The following ARFGEF1 variants were observed in gnomAD, a reference collection of about 807,000 sequenced individuals.
ARFGEF1 encodes the protein ARF guanine nucleotide exchange factor 1, also known as brefeldin A-inhibited guanine nucleotide-exchange protein 1.
ARFGEF1 carries 42 observed loss-of-function variants against 231.0 expected under a neutral mutation model. The ratio of observed to expected loss-of-function variants is 0.18; its 90% confidence interval spans 0.14 to 0.24. The LOEUF (loss-of-function observed/expected upper bound fraction) is 0.24, where lower values mean the gene tolerates loss of function less well. Ranked by LOEUF, ARFGEF1 falls within the 10% of genes least tolerant of loss-of-function variation. ARFGEF1 has a pLI of 1.00. For synonymous variants in ARFGEF1, 710 were observed against 732.3 expected (o/e 0.97, Z 0.49); for missense variants, 1,345 against 2,192.0 (o/e 0.61, Z 7.72).
intron 4 of ARFGEF1, among the ~76,000 whole-genome samples, chr8:67,298,811 G>A (rs1806352548): frequency 6.6e-6 from 1 of 152,096 alleles, no homozygotes; most frequent in African/African-American, 2.4e-5. Flanking sequence ...TGTCACCCAG[G>A]CTGGAGCACA....
At chr8:67,236,360 AAAAAAATATATATATATATATATAT>A (rs1431748798) in intron 22 of ARFGEF1, among the ~76,000 whole-genome samples, 30 of 43,276 alleles carry the variant, frequency 6.9e-4, no homozygotes, top group Non-Finnish European at 7.9e-4. Context: ...AAAAAAAAAA[AAAAAAATATATATATATATATATAT>A]ATATATATAT....
At chr8:67,194,026 C>A (rs1360885172), downstream of ARFGEF1, among the ~76,000 whole-genome samples, 1 of 152,052 alleles carries the variant, frequency 6.6e-6, no homozygotes, top group Non-Finnish European at 1.5e-5. Flanking sequence ...TGGCTTTCCA[C>A]ACCATGGACA....
At chr8:67,253,315 A>G (rs933150620) in intron 18 of ARFGEF1, 136 bp downstream of exon 18, 12 of 522,036 alleles carry the variant, frequency 2.3e-5, no homozygotes, top group African/African-American at 2.2e-4. Context: ...GGTTCAAGTG[A>G]TCCTTCTGCT....
chr8:67,271,914 T>C lies in ARFGEF1; in HGVS notation c.1360A>G (p.Ile454Val), dbSNP rs1219961611. The C allele has an allele frequency of 6.2e-7, 1 of 1,610,390 alleles. No individual in the cohort carries two copies. The highest frequency in any genetic ancestry group is 8.5e-7 in the Non-Finnish European group (1 of 1,178,806). ...GATAGAAGTAACTGCAATGAAAGAA[T>C]CTTGGATCGTAGTTCATGAGACCTA... The part of the protein sequence containing the change: ...DPKSHELRSK[I>V]LSLQLLLSIL... Residue 454 changes from isoleucine (I) to valine (V), a missense_variant, in exon 10 of 39, where the codon ATT (isoleucine) becomes GTT (valine). Ile to Val is a conservative substitution (Grantham distance 29). Coordinates refer to ENST00000262215, the MANE Select transcript of ARFGEF1 (RefSeq NM_006421.5).
Position 67,198,292 on chromosome 8 carries a change from A to G in ARFGEF1, c.*642T>C. 1.0e-6 allele frequency: 1 copy of G among 985,296 alleles called. No homozygotes were observed. Among genetic ancestry groups the G allele is most frequent in the Non-Finnish European group, 1.2e-6 (1 of 829,400 alleles). 61.0% of individuals were successfully genotyped at this position (985,296 alleles called of 1,614,324 possible). On this transcript the variant is annotated 3_prime_UTR_variant, in exon 39 of 39. Transcript: ENST00000262215. ...AAAGTTCCACCCAAATGTTTAGTGC[A>G]TTTGACAAAATATTATGGGTATTTA...
At chr8:67,234,406 G>C (rs1198475534) in intron 22 of ARFGEF1, among the ~76,000 whole-genome samples, 2 of 152,126 alleles carry the variant, frequency 1.3e-5, no homozygotes, top group Admixed American at 1.3e-4. Flanking sequence ...TCATAGAAAG[G>C]CTTCACATAT....
chr8:67,316,334 T>G (rs962421725), intron 1 of ARFGEF1, among the ~76,000 whole-genome samples: 1 of 152,232 alleles, frequency 6.6e-6, no homozygotes. Flanking sequence ...CTGAGAATTC[T>G]ACCACGTTTA....
chr8:67,240,128 C>T lies in ARFGEF1; in HGVS notation c.2979+34G>A, dbSNP rs201722188. On this transcript the variant is annotated intron_variant, in intron 20 of 38. Transcript: ENST00000262215. ...TGTAATGGCATAGGTAATTAATGTT[C>T]CAAACTGGCTACAAAGACAAAATTC... 124 of 1,600,370 alleles carry T rather than the reference C, an allele frequency of 7.7e-5. 1 individual carries two copies. Among genetic ancestry groups the T allele is most frequent in the Non-Finnish European group, 1.0e-4 (119 of 1,176,126 alleles).
At chr8:67,201,192 T>C (rs1182045065) in intron 37 of ARFGEF1, among the ~76,000 whole-genome samples, 1 of 151,952 alleles carries the variant, frequency 6.6e-6, no homozygotes, top group Non-Finnish European at 1.5e-5. Flanking sequence ...AAAATGGGAC[T>C]ATCTTATGAC....
At chr8:67,220,064 C>T (rs1358941829) in intron 29 of ARFGEF1, among the ~76,000 whole-genome samples, 2 of 152,200 alleles carry the variant, frequency 1.3e-5, no homozygotes, top group Non-Finnish European at 2.9e-5. Context: ...GGCATAAGCT[C>T]CATGAGGGGA....
intron 1 of ARFGEF1, among the ~76,000 whole-genome samples, chr8:67,313,303 G>C (rs1301062599): frequency 1.3e-5 from 2 of 152,142 alleles, no homozygotes; most frequent in African/African-American, 4.8e-5. Context: ...ATTTCTTCTT[G>C]GTTTGGATCC....
At chr8:67,246,313 T>G (rs998984006) in intron 19 of ARFGEF1, among the ~76,000 whole-genome samples, 1 of 150,592 alleles carries the variant, frequency 6.6e-6, no homozygotes, top group African/African-American at 2.5e-5. Context: ...GCATACACAT[T>G]CTTTTCCTCA....
At chr8:67,190,681 AGAT>A in intron 5 of ARFGEF1, 1 of 1,614,136 alleles carries the variant, frequency 6.2e-7, no homozygotes, top group South Asian at 1.1e-5. Context: ...CTGCCATTGA[AGAT>A]GACGTCCTCC....
intron 20 of ARFGEF1, 97 bp from the exon 21 acceptor site, chr8:67,238,990 TG>T (rs372845771): frequency 5.9e-4 from 575 of 969,022 alleles, no homozygotes; most frequent in Middle Eastern, 9.5e-4. Flanking sequence ...AGTAAGATTT[TG>T]TTTTTTTTTT....
intron 18 of ARFGEF1, 33 bp from the exon 19 acceptor site, chr8:67,251,483 A>C (rs759464604): frequency 2.0e-6 from 3 of 1,529,050 alleles, no homozygotes; most frequent in Non-Finnish European, 2.6e-6. Context: ...CATTTTAAAT[A>C]TAAAACATTT....
At position 67,253,434 on chromosome 8, in the gene ARFGEF1, T is replaced by A; in HGVS notation, c.2698+17A>T. 1 of 1,492,278 alleles carries A rather than the reference T, an allele frequency of 6.7e-7. No individual in the cohort carries two copies. Among genetic ancestry groups the A allele is most frequent in the Non-Finnish European group, 9.2e-7 (1 of 1,091,144 alleles). 92.4% of individuals were successfully genotyped at this position (1,492,278 alleles called of 1,614,324 possible). On this transcript the variant is annotated intron_variant, in intron 18 of 38. Transcript: ENST00000262215. ...TTCCCCTTGAACAATCAGAATTCAA[T>A]TAATTTAGATACTTACTCTGTTTAC...
Position 67,267,245 on chromosome 8 carries a change from C to T in ARFGEF1, c.1673-15G>A. 1 of 1,609,324 alleles carries T rather than the reference C, an allele frequency of 6.2e-7. No homozygotes were observed. Among genetic ancestry groups the T allele is most frequent in the Non-Finnish European group, 8.5e-7 (1 of 1,178,108 alleles). On this transcript the variant is annotated splice_polypyrimidine_tract_variant and intron_variant, in intron 11 of 38. Transcript: ENST00000262215. Reference sequence around the variant, plus strand: ...ACTCTGAGCATCTGTAACAATATAACATTAATTTCAACAAAGTACATCTAG... The same window carrying T: ...ACTCTGAGCATCTGTAACAATATAATATTAATTTCAACAAAGTACATCTAG...
At chr8:67,286,635 C>T (rs886547366) in intron 7 of ARFGEF1, among the ~76,000 whole-genome samples, 3 of 152,176 alleles carry the variant, frequency 2.0e-5, no homozygotes, top group African/African-American at 2.4e-5. Flanking sequence ...CTTAACTATA[C>T]TATTATATGT....
chr8:67,220,396 C>T (rs1839106603), intron 29 of ARFGEF1, among the ~76,000 whole-genome samples: 3 of 152,150 alleles, frequency 2.0e-5, no homozygotes, highest in African/African-American at 7.2e-5. Context: ...CTTTGAAAGG[C>T]TCTCATAAGG....
Sources: gnomAD v4.1 joint callset for allele counts (sites outside exome capture counted in the v4.1 genomes callset) on GRCh38, gnomAD v4.1.1 for gene constraint, MANE v1.5 for transcripts, NCBI Gene and HGNC (gene_info 2026-07-23, HGNC 2026-07-21) for gene names.